The following DNAJC24 variants were observed in gnomAD, a reference collection of about 807,000 sequenced individuals.
The protein encoded by DNAJC24 is DnaJ heat shock protein family (Hsp40) member C24, also known as dnaJ homolog subfamily C member 24.
Under a neutral mutation model 18.0 loss-of-function variants are expected in DNAJC24, and 17 were observed. That is an observed-to-expected ratio of 0.94 (90% CI 0.65 to 1.42). The LOEUF (loss-of-function observed/expected upper bound fraction) is 1.42, where lower values mean the gene tolerates loss of function less well. Ranked by LOEUF, DNAJC24 falls within the 40% of genes most tolerant of loss-of-function variation. The pLI, the probability that DNAJC24 is intolerant of heterozygous loss-of-function variation, is 0.00. For missense variants in DNAJC24, 158 were observed against 175.6 expected (o/e 0.90, Z 0.57); for synonymous variants, 55 against 57.7 (o/e 0.95, Z 0.21).
chr11:31,421,523 C>T (rs1419759190), intron 3 of DNAJC24, among the ~76,000 whole-genome samples: 1 of 152,184 alleles, frequency 6.6e-6, no homozygotes, highest in East Asian at 1.9e-4. Flanking sequence ...TGGACTTGAT[C>T]TTTTGGCCAG....
intron 2 of DNAJC24, chr11:31,374,274 A>C (rs1489053947): frequency 1.2e-5 from 2 of 164,850 alleles, no homozygotes; most frequent in Non-Finnish European, 2.7e-5. Flanking sequence ...CTTCCAATTA[A>C]TACTTTGCTA....
chr11:31,375,232 G>A (rs1242126240), intron 2 of DNAJC24, among the ~76,000 whole-genome samples: 1 of 135,230 alleles, frequency 7.4e-6, no homozygotes. Flanking sequence ...TCCCTTTAGA[G>A]GCCAGATACC....
intron 2 of DNAJC24, among the ~76,000 whole-genome samples, chr11:31,413,466 G>A (rs1175584529): frequency 4.0e-5 from 6 of 151,400 alleles, no homozygotes; most frequent in Non-Finnish European, 8.8e-5. Flanking sequence ...GAGTAGCTGG[G>A]ATTACAGGCG....
At chr11:31,403,873 A>G (rs1044325991) in intron 2 of DNAJC24, among the ~76,000 whole-genome samples, 2 of 152,220 alleles carry the variant, frequency 1.3e-5, no homozygotes, top group African/African-American at 4.8e-5. Context: ...AGTGAAAGGA[A>G]GTTTATTAAG....
chr11:31,402,961 A>T (rs1252448917), intron 2 of DNAJC24, among the ~76,000 whole-genome samples: 1 of 152,208 alleles, frequency 6.6e-6, no homozygotes, highest in Non-Finnish European at 1.5e-5. Flanking sequence ...CTGCTATTGT[A>T]TATGCAGTTT....
intron 2 of DNAJC24, among the ~76,000 whole-genome samples, chr11:31,400,732 A>T (rs922099087): frequency 1.3e-5 from 2 of 152,228 alleles, no homozygotes; most frequent in Non-Finnish European, 2.9e-5. Context: ...TTAACTCAAG[A>T]TGGATTAAAG....
At chr11:31,379,829 C>T (rs1045988523) in intron 2 of DNAJC24, among the ~76,000 whole-genome samples, 16 of 151,938 alleles carry the variant, frequency 1.1e-4, no homozygotes, top group Non-Finnish European at 2.1e-4. Flanking sequence ...GCGATCTAGT[C>T]TCACTGCAAC....
At chr11:31,370,649 G>T in intron 1 of DNAJC24, 67 bp from the exon 2 acceptor site, 1 of 637,828 alleles carries the variant, frequency 1.6e-6, no homozygotes, top group Non-Finnish European at 2.6e-6. Flanking sequence ...ATTTACAAGG[G>T]CAGTACTTAA....
chr11:31,420,509 T>A (rs1952793217), intron 3 of DNAJC24, among the ~76,000 whole-genome samples: 1 of 152,118 alleles, frequency 6.6e-6, no homozygotes, highest in Non-Finnish European at 1.5e-5. Flanking sequence ...ATTTTTCTCC[T>A]ACTAATAATG....
intron 3 of DNAJC24, among the ~76,000 whole-genome samples, chr11:31,419,702 C>G (rs1952785511): frequency 6.6e-6 from 1 of 151,940 alleles, no homozygotes; most frequent in Non-Finnish European, 1.5e-5. Context: ...TTACTTGACC[C>G]AATTGAAATC....
At chr11:31,402,444 T>C (rs1174044841) in intron 2 of DNAJC24, among the ~76,000 whole-genome samples, 5 of 152,166 alleles carry the variant, frequency 3.3e-5, no homozygotes, top group Non-Finnish European at 7.3e-5. Context: ...CTACACTAGG[T>C]TTATACAAAA....
intron 3 of DNAJC24, chr11:31,415,839 A>T (rs141653953): frequency 6.6e-6 from 1 of 152,292 alleles, no homozygotes; most frequent in African/African-American, 2.4e-5. Flanking sequence ...ACACCATCAG[A>T]CCTCACAAAA....
intron 4 of DNAJC24, 52 bp downstream of exon 4, chr11:31,426,407 A>T (rs780304966): frequency 9.3e-7 from 1 of 1,076,600 alleles, no homozygotes; most frequent in East Asian, 2.5e-5. Context: ...GGAATTTTCT[A>T]TAAGAAAAAA....
intron 2 of DNAJC24, among the ~76,000 whole-genome samples, chr11:31,392,568 A>G (rs1053586039): frequency 2.6e-5 from 4 of 152,116 alleles, no homozygotes; most frequent in Non-Finnish European, 4.4e-5. Context: ...ATACCTTCAT[A>G]TAGACCTGGA....
chr11:31,377,273 T>C (rs1354961530), intron 2 of DNAJC24, among the ~76,000 whole-genome samples: 1 of 152,142 alleles, frequency 6.6e-6, no homozygotes, highest in East Asian at 1.9e-4. Context: ...TAGTAAATAC[T>C]GTTTCCTTAT....
chr11:31,396,798 T>C (rs917080439), intron 2 of DNAJC24, among the ~76,000 whole-genome samples: 12 of 152,230 alleles, frequency 7.9e-5, no homozygotes, highest in African/African-American at 2.7e-4. Context: ...TAAAAAACTC[T>C]CTATGATTTG....
chr11:31,381,334 T>C (rs1483692209), intron 2 of DNAJC24, among the ~76,000 whole-genome samples: 1 of 152,156 alleles, frequency 6.6e-6, no homozygotes, highest in Non-Finnish European at 1.5e-5. Context: ...TTATTTTCTG[T>C]GTCACAAATA....
At chr11:31,382,259 G>A (rs1490997897) in intron 2 of DNAJC24, among the ~76,000 whole-genome samples, 1 of 152,148 alleles carries the variant, frequency 6.6e-6, no homozygotes, top group Admixed American at 6.5e-5. Context: ...TTTATGATAT[G>A]TGTGACCTAG....
intron 4 of DNAJC24, among the ~76,000 whole-genome samples, chr11:31,428,183 C>T (rs978856713): frequency 4.6e-5 from 7 of 151,952 alleles, no homozygotes; most frequent in African/African-American, 1.7e-4. Context: ...GCGTTATCAT[C>T]AATGTATTAT....
Sources: allele counts gnomAD v4.1 joint callset (sites outside exome capture counted in the v4.1 genomes callset), GRCh38; gene constraint gnomAD v4.1.1; transcripts MANE v1.5; gene names NCBI Gene and HGNC (gene_info 2026-07-23, HGNC 2026-07-21).